Variants in RGS18 observed in about 807,000 individuals in gnomAD.
RGS18 encodes regulator of G protein signaling 18, also known as regulator of G-protein signaling 18.
Under a neutral mutation model 27.6 loss-of-function variants are expected in RGS18, and 22 were observed. The observed-to-expected ratio is 0.80, with a 90% confidence interval of 0.57 to 1.14. RGS18 has a LOEUF of 1.14. RGS18 is among the 50% of genes most tolerant of loss of function. RGS18 has a pLI of 0.00. For missense variants in RGS18, 299 were observed against 269.6 expected (o/e 1.11, Z -0.76); for synonymous variants, 89 against 84.6 (o/e 1.05, Z -0.29).
intron 3 of RGS18, among the ~76,000 whole-genome samples, chr1:192,172,394 T>G (rs770845924): frequency 6.6e-6 from 1 of 151,998 alleles, no homozygotes; most frequent in African/African-American, 2.4e-5. Flanking sequence ...CATGCCCACT[T>G]CTTTGGTCTT....
chr1:192,175,255 A>C (rs926569565), intron 3 of RGS18, among the ~76,000 whole-genome samples: 11 of 152,004 alleles, frequency 7.2e-5, no homozygotes, highest in African/African-American at 2.6e-4. Context: ...ATAACTTATC[A>C]GTTTTTATTG....
Position 192,159,200 on chromosome 1 carries a change from T to C in RGS18, c.120-20T>C, listed in dbSNP as rs1656026989. ...AACTGTCATCTAAATTGTCCTGACA[T>C]GAAGGCCTTTTTATTACAGAGCTAA... On this transcript the variant is annotated intron_variant, in intron 1 of 4. Coordinates refer to ENST00000367460, the MANE Select transcript of RGS18 (RefSeq NM_130782.3). 2 of 1,541,318 alleles carry C rather than the reference T, an allele frequency of 1.3e-6. No individual in the cohort carries two copies. The highest frequency in any genetic ancestry group is 1.8e-6 in the Non-Finnish European group (2 of 1,115,674).
chr1:192,172,554 A>G (rs72730990), intron 3 of RGS18, among the ~76,000 whole-genome samples: 22,736 of 151,862 alleles, frequency 0.15, 2,269 homozygotes, highest in South Asian at 0.31. Context: ...AACACAAAAC[A>G]GACTAAGACA....
At chr1:192,181,857 A>T (rs1571394976) in intron 4 of RGS18, among the ~76,000 whole-genome samples, 1 of 151,446 alleles carries the variant, frequency 6.6e-6, no homozygotes, top group Non-Finnish European at 1.5e-5. Context: ...CATCCTTCCT[A>T]CCTTACCTAG....
Position 192,158,568 on chromosome 1 carries a change from TG to T in RGS18, c.-68del. ...CTTTTTATTCTACTATGTATATGTA[TG>T]GAATAGTATTAATAAATGAACTAGG... On this transcript the variant is annotated 5_prime_UTR_variant, in exon 1 of 5. It introduces an in-frame stop codon into an upstream open reading frame of the 5' UTR. Coordinates refer to ENST00000367460, the MANE Select transcript of RGS18 (RefSeq NM_130782.3). 1.5e-6 allele frequency: 2 copies of T among 1,337,306 alleles called. No homozygotes were observed. The highest frequency in any genetic ancestry group is 2.0e-6 in the Non-Finnish European group (2 of 1,000,498). 82.8% of individuals were successfully genotyped at this position (1,337,306 alleles called of 1,614,324 possible). A position where few individuals can be genotyped will look rare whatever the true frequency, so the allele number is the denominator to read the frequency against.
rs1287051774 is a variant in RGS18 at position 192,184,942 on chromosome 1, A to T, written c.*388A>T. The stretch of plus-strand genomic sequence containing the variant: ...AGCATAATATGTGTTATATAAACAT[A>T]ATAATACTCAGATATCCAAATGTTC... On this transcript the variant is annotated 3_prime_UTR_variant, in exon 5 of 5. Coordinates refer to ENST00000367460, the MANE Select transcript of RGS18 (RefSeq NM_130782.3). 1 of 182,972 alleles carries T rather than the reference A, an allele frequency of 5.5e-6. No individual in the cohort carries two copies. The highest frequency in any genetic ancestry group is 1.5e-4 in the East Asian group (1 of 6,816). The allele number at this position is 182,972 out of a possible 1,614,324, so 11.3% of individuals were successfully genotyped here. A position where few individuals can be genotyped will look rare whatever the true frequency, so the allele number is the denominator to read the frequency against.
intron 3 of RGS18, chr1:192,168,652 G>A (rs1303814151): frequency 6.6e-6 from 1 of 152,158 alleles, no homozygotes; most frequent in Non-Finnish European, 1.5e-5. Context: ...ATTTTCCTCT[G>A]CTACTTTGAA....
At chr1:192,174,892 C>T (rs1233841026) in intron 3 of RGS18, among the ~76,000 whole-genome samples, 1 of 151,680 alleles carries the variant, frequency 6.6e-6, no homozygotes, top group Non-Finnish European at 1.5e-5. Context: ...TAAATGTTAT[C>T]TCATCATTGA....
Position 192,158,755 on chromosome 1 carries a change from A to C in RGS18, c.118A>C (p.Arg40=). The change falls in exon 1 of 5, where the codon AGA becomes CGA. Residue 40 remains arginine, a splice_region_variant and synonymous_variant. Coordinates refer to ENST00000367460, the MANE Select transcript of RGS18 (RefSeq NM_130782.3). ...KEETSKEAKI[R]AKEKRNRLSL... ...AGAAACAAGCAAAGAAGCCAAAATCAGGTAAAATTGTACAATTTTAAGTCA... is the reference window on the plus strand; with the variant it reads ...AGAAACAAGCAAAGAAGCCAAAATCCGGTAAAATTGTACAATTTTAAGTCA... The C allele has an allele frequency of 6.5e-7, 1 of 1,547,330 alleles. No individual in the cohort carries two copies. Among genetic ancestry groups the C allele is most frequent in the East Asian group, 2.3e-5 (1 of 43,100 alleles).
chr1:192,175,994 A>G (rs2102158007), intron 3 of RGS18, among the ~76,000 whole-genome samples: 1 of 151,918 alleles, frequency 6.6e-6, no homozygotes, highest in East Asian at 1.9e-4. Flanking sequence ...TTTGTCTATG[A>G]TGTTCCAATT....
chr1:192,176,120 A>C (rs1423552053), intron 3 of RGS18, among the ~76,000 whole-genome samples: 1 of 151,824 alleles, frequency 6.6e-6, no homozygotes, highest in African/African-American at 2.4e-5. Flanking sequence ...TGGCAAAGGA[A>C]CACAGCAAGG....
At chr1:192,176,056 G>A (rs991431670) in intron 3 of RGS18, among the ~76,000 whole-genome samples, 9 of 151,800 alleles carry the variant, frequency 5.9e-5, no homozygotes, top group Admixed American at 3.9e-4. Flanking sequence ...TTTTATGTCC[G>A]AGGGAATACA....
chr1:192,160,927 A>C (rs533395932), intron 3 of RGS18, among the ~76,000 whole-genome samples: 8 of 152,252 alleles, frequency 5.3e-5, no homozygotes, highest in African/African-American at 1.9e-4. Flanking sequence ...ATCTCGGCTC[A>C]CTGCAAGCTC....
chr1:192,182,343 C>G (rs1656470700), intron 4 of RGS18, among the ~76,000 whole-genome samples: 1 of 151,514 alleles, frequency 6.6e-6, no homozygotes, highest in African/African-American at 2.4e-5. Flanking sequence ...ACATCCTCAC[C>G]AACATTTGTT....
chr1:192,166,157 T>C (rs1656159846), intron 3 of RGS18, among the ~76,000 whole-genome samples: 1 of 152,200 alleles, frequency 6.6e-6, no homozygotes, highest in Non-Finnish European at 1.5e-5. Context: ...TATATGTGTA[T>C]GGCTCTGTGT....
chr1:192,172,883 AAAT>A (rs1557937025), intron 3 of RGS18, among the ~76,000 whole-genome samples: 4 of 141,746 alleles, frequency 2.8e-5, no homozygotes, highest in African/African-American at 1.0e-4. Flanking sequence ...ATATATATAT[AAAT>A]ATATATATAT....
chr1:192,183,402 C>A lies in RGS18; in HGVS notation c.451-895C>A, dbSNP rs1656489038. On this transcript the variant is annotated intron_variant, in intron 4 of 4. Transcript: ENST00000367460. Reference sequence around the variant, plus strand: ...GCCCCACATTAAAATCTCAAATATGCCCCAGCTCATTTTTTCCCATGACTC... The same window carrying A: ...GCCCCACATTAAAATCTCAAATATGACCCAGCTCATTTTTTCCCATGACTC... Among the ~76,000 whole-genome samples, 4 of 151,708 alleles carry A rather than the reference C, an allele frequency of 2.6e-5. No individual in the cohort carries two copies. The South Asian group carries it at 8.3e-4, about 31-fold the overall frequency.
chr1:192,170,300 C>T (rs553899159), intron 3 of RGS18, among the ~76,000 whole-genome samples: 2 of 152,226 alleles, frequency 1.3e-5, no homozygotes, highest in East Asian at 3.9e-4. Context: ...ATTTGGGTCA[C>T]GGAGTGAATC....
At chr1:192,183,084 T>A (rs1557939621) in intron 4 of RGS18, among the ~76,000 whole-genome samples, 1 of 151,532 alleles carries the variant, frequency 6.6e-6, no homozygotes, top group East Asian at 1.9e-4. Context: ...AAATATTAAT[T>A]AAGTAGAGCT....
Sources: allele counts gnomAD v4.1 joint callset (sites outside exome capture counted in the v4.1 genomes callset), GRCh38; gene constraint gnomAD v4.1.1; transcripts MANE v1.5; gene names NCBI Gene and HGNC (gene_info 2026-07-23, HGNC 2026-07-21).